The following RPSA2 variants were observed in gnomAD, a reference collection of about 807,000 sequenced individuals.
RPSA2 encodes small ribosomal subunit protein uS2B.
chr19:23,812,066 A>G, the RPSA2 span, among the ~76,000 whole-genome samples: 8 of 152,190 alleles, frequency 5.3e-5, no homozygotes, highest in African/African-American at 1.9e-4. Context: ...TAGACAAATT[A>G]TTTGTTAATG....
At chr19:23,774,354 T>G in the RPSA2 span, among the ~76,000 whole-genome samples, 1 of 152,332 alleles carries the variant, frequency 6.6e-6, no homozygotes, top group South Asian at 2.1e-4. Flanking sequence ...GACTCTCTTC[T>G]CCTGCCTGTT....
At chr19:23,786,424 C>T in the RPSA2 span, among the ~76,000 whole-genome samples, 1 of 152,050 alleles carries the variant, frequency 6.6e-6, no homozygotes, top group South Asian at 2.1e-4. Flanking sequence ...GATCCAGCAC[C>T]TCGGTGATTT....
the RPSA2 span, among the ~76,000 whole-genome samples, chr19:23,845,398 A>G: frequency 6.6e-6 from 1 of 151,764 alleles, no homozygotes; most frequent in Non-Finnish European, 1.5e-5. Context: ...TTTAGGCTAT[A>G]AACTGCCCTC....
At chr19:23,853,688 T>C in the RPSA2 span, among the ~76,000 whole-genome samples, 1 of 152,172 alleles carries the variant, frequency 6.6e-6, no homozygotes. Flanking sequence ...GGGAGCACTA[T>C]AAGAGTTATG....
the RPSA2 span, among the ~76,000 whole-genome samples, chr19:23,778,664 C>T: frequency 3.3e-5 from 5 of 152,006 alleles, no homozygotes; most frequent in African/African-American, 9.7e-5. Context: ...ACAAGTGATG[C>T]GATTCTTCTG....
the RPSA2 span, among the ~76,000 whole-genome samples, chr19:23,862,901 T>A: frequency 4.0e-5 from 6 of 151,888 alleles, no homozygotes; most frequent in Admixed American, 2.6e-4. Context: ...TCTTTCTTTT[T>A]TTTTTTTTTG....
the RPSA2 span, among the ~76,000 whole-genome samples, chr19:23,816,004 T>TTTTTTTTTG: frequency 6.6e-6 from 1 of 151,878 alleles, no homozygotes; most frequent in Non-Finnish European, 1.5e-5. Flanking sequence ...TGTTTTTTTT[T>TTTTTTTTTG]TCGCTCTGTG....
chr19:23,762,670 C>T, the RPSA2 span, among the ~76,000 whole-genome samples: 1 of 57,474 alleles, frequency 1.7e-5, no homozygotes, highest in East Asian at 5.6e-4. Flanking sequence ...GGCGGAAACT[C>T]GGTCTCAAAA....
chr19:23,782,843 C>T, the RPSA2 span, among the ~76,000 whole-genome samples: 1 of 152,096 alleles, frequency 6.6e-6, no homozygotes, highest in Non-Finnish European at 1.5e-5. Flanking sequence ...TCTATGAGCC[C>T]TACCCACAAG....
chr19:23,861,199 T>C, the RPSA2 span, among the ~76,000 whole-genome samples: 1 of 152,196 alleles, frequency 6.6e-6, no homozygotes, highest in South Asian at 2.1e-4. Context: ...ATTTTCTATG[T>C]TATGTAAAAT....
the RPSA2 span, among the ~76,000 whole-genome samples, chr19:23,848,781 AT>A: frequency 6.6e-6 from 1 of 152,200 alleles, no homozygotes; most frequent in Non-Finnish European, 1.5e-5. Flanking sequence ...CTAATTTTTG[AT>A]TGATGCCTTG....
At chr19:23,848,051 G>A in the RPSA2 span, among the ~76,000 whole-genome samples, 17,907 of 152,112 alleles carry the variant, frequency 0.12, 1,119 homozygotes, top group East Asian at 0.22. Flanking sequence ...GTTCAAACAC[G>A]CATGTTTTAC....
the RPSA2 span, among the ~76,000 whole-genome samples, chr19:23,806,449 A>T: frequency 1.3e-5 from 2 of 152,068 alleles, no homozygotes. Flanking sequence ...CACCATTAAG[A>T]AAATGCTCAT....
At chr19:23,867,286 G>A in the RPSA2 span, among the ~76,000 whole-genome samples, 4 of 152,294 alleles carry the variant, frequency 2.6e-5, no homozygotes, top group South Asian at 2.1e-4. Context: ...AGTGTTCAAC[G>A]GAGTGCTGAG....
At chr19:23,845,533 C>A in the RPSA2 span, among the ~76,000 whole-genome samples, 2 of 152,112 alleles carry the variant, frequency 1.3e-5, no homozygotes, top group African/African-American at 4.8e-5. Context: ...ACTCTGTCAC[C>A]TGGGCTGGAG....
the RPSA2 span, among the ~76,000 whole-genome samples, chr19:23,852,559 C>T: frequency 1.3e-5 from 2 of 152,214 alleles, no homozygotes; most frequent in Non-Finnish European, 2.9e-5. Flanking sequence ...CAGGAAGATG[C>T]CCTTAAGACA....
chr19:23,800,296 C>A, the RPSA2 span, among the ~76,000 whole-genome samples: 16 of 152,144 alleles, frequency 1.1e-4, no homozygotes, highest in Admixed American at 4.6e-4. Flanking sequence ...CCCGCCTTGG[C>A]CTCCCAAAGC....
the RPSA2 span, among the ~76,000 whole-genome samples, chr19:23,778,152 A>G: frequency 1.3e-5 from 2 of 152,148 alleles, no homozygotes; most frequent in African/African-American, 4.8e-5. Flanking sequence ...AACCCTGCCT[A>G]CTGGGGGAAT....
At chr19:23,859,062 C>A in the RPSA2 span, among the ~76,000 whole-genome samples, 1 of 152,168 alleles carries the variant, frequency 6.6e-6, no homozygotes, top group Non-Finnish European at 1.5e-5. Context: ...TCTTGTGTGT[C>A]CATCTACTCG....
Sources: allele counts gnomAD v4.1 joint callset (sites outside exome capture counted in the v4.1 genomes callset), GRCh38; gene constraint gnomAD v4.1.1; transcripts MANE v1.5; gene names NCBI Gene and HGNC (gene_info 2026-07-23, HGNC 2026-07-21).